PDE10A: variants seen among roughly 807,000 people sequenced by gnomAD.
PDE10A encodes the protein phosphodiesterase 10A, also known as cAMP and cAMP-inhibited cGMP 3',5'-cyclic phosphodiesterase 10A.
PDE10A carries 39 observed loss-of-function variants against 97.7 expected under a neutral mutation model. The ratio of observed to expected loss-of-function variants is 0.40; its 90% CI spans 0.31 to 0.52. PDE10A has a LOEUF of 0.52. Ranked by LOEUF, PDE10A falls within the 20% of genes least tolerant of loss-of-function variation. The pLI, the probability that PDE10A is intolerant of heterozygous loss-of-function variation, is 0.56. For missense variants in PDE10A, 731 were observed against 1,047.8 expected (o/e 0.70, Z 4.17); for synonymous variants, 371 against 376.8 (o/e 0.98, Z 0.18).
At chr6:165,860,550 G>A (rs1780874931) in intron 1 of PDE10A, among the ~76,000 whole-genome samples, 1 of 152,230 alleles carries the variant, frequency 6.6e-6, no homozygotes, top group Non-Finnish European at 1.5e-5. Context: ...GAACAGGGAC[G>A]CAGAACGGCA....
chr6:165,470,971 C>T (rs1230048361), intron 3 of PDE10A, among the ~76,000 whole-genome samples: 2 of 152,138 alleles, frequency 1.3e-5, no homozygotes, highest in African/African-American at 2.4e-5. Flanking sequence ...ATTTACCACC[C>T]ATTTCTCTCC....
chr6:165,467,552 A>G (rs894249327), intron 3 of PDE10A, among the ~76,000 whole-genome samples: 1 of 152,236 alleles, frequency 6.6e-6, no homozygotes, highest in Admixed American at 6.5e-5. Context: ...ATGCAAGAAC[A>G]AAGGCACAAG....
At chr6:165,950,798 G>C (rs995488773) in intron 1 of PDE10A, among the ~76,000 whole-genome samples, 2 of 152,132 alleles carry the variant, frequency 1.3e-5, no homozygotes, top group African/African-American at 4.8e-5. Flanking sequence ...TGAGTATCCT[G>C]AGCTGGCTGA....
At chr6:165,535,620 TAC>T (rs201613901) in intron 2 of PDE10A, among the ~76,000 whole-genome samples, 2,982 of 151,752 alleles carry the variant, frequency 0.02, 53 homozygotes, top group Non-Finnish European at 0.025. Flanking sequence ...TGTGTGTGTG[TAC>T]ACACACATTT....
intron 1 of PDE10A, among the ~76,000 whole-genome samples, chr6:165,659,820 C>A (rs999747436): frequency 6.6e-6 from 1 of 152,216 alleles, no homozygotes; most frequent in Non-Finnish European, 1.5e-5. Context: ...TGCTACGAAT[C>A]CCGAGAGGAC....
intron 2 of PDE10A, among the ~76,000 whole-genome samples, chr6:165,522,318 G>C (rs1046311650): frequency 2.0e-5 from 3 of 152,088 alleles, no homozygotes; most frequent in African/African-American, 7.2e-5. Flanking sequence ...ACATCTCCCT[G>C]ATAGCAAAAT....
chr6:165,935,702 G>A (rs1783302419), intron 1 of PDE10A, among the ~76,000 whole-genome samples: 1 of 152,216 alleles, frequency 6.6e-6, no homozygotes, highest in Admixed American at 6.5e-5. Context: ...AGGTGATTAG[G>A]TCATGAGGGC....
chr6:165,447,189 C>T (rs1006248914), intron 5 of PDE10A, among the ~76,000 whole-genome samples: 1 of 152,152 alleles, frequency 6.6e-6, no homozygotes, highest in Non-Finnish European at 1.5e-5. Context: ...TTTGGGCTCC[C>T]GTCCACTGTA....
intron 1 of PDE10A, among the ~76,000 whole-genome samples, chr6:165,936,770 T>C (rs1347002828): frequency 1.3e-5 from 2 of 152,136 alleles, no homozygotes; most frequent in Admixed American, 1.3e-4. Context: ...TGATGGAGAA[T>C]GAGTAGAGAC....
intron 1 of PDE10A, among the ~76,000 whole-genome samples, chr6:165,708,027 C>T (rs1281006650): frequency 1.3e-5 from 2 of 152,182 alleles, no homozygotes; most frequent in Non-Finnish European, 2.9e-5. Context: ...CAAACCAACC[C>T]TCTTGACTTC....
At chr6:165,434,956 G>A (rs546886427) in intron 6 of PDE10A, among the ~76,000 whole-genome samples, 149 of 152,174 alleles carry the variant, frequency 9.8e-4, no homozygotes, top group African/African-American at 3.1e-3. Flanking sequence ...TCATAAAACA[G>A]TAATTATTTA....
At chr6:165,401,461 T>C (rs1786658429) in intron 13 of PDE10A, among the ~76,000 whole-genome samples, 1 of 152,206 alleles carries the variant, frequency 6.6e-6, no homozygotes, top group Non-Finnish European at 1.5e-5. Flanking sequence ...GTTAGCAAAT[T>C]TGGAATCTTT....
Position 165,446,856 on chromosome 6 carries a change from G to C in PDE10A, c.1194+2072C>G, listed in dbSNP as rs377508997. ...GGAACAGGGAATCAGTGCCCCTAGAGAGAAGCATGCCCAGTAAATGGACTG... is the reference window on the plus strand; with the variant it reads ...GGAACAGGGAATCAGTGCCCCTAGACAGAAGCATGCCCAGTAAATGGACTG... On this transcript the variant is annotated intron_variant, in intron 5 of 21. Transcript: ENST00000539869. Among the ~76,000 whole-genome samples, 83 of 152,252 alleles carry C rather than the reference G, an allele frequency of 5.5e-4. 1 individual carries two copies. Among genetic ancestry groups the C allele is most frequent in the African/African-American group, 1.8e-3 (76 of 41,548 alleles).
chr6:165,470,615 C>T (rs544955019), intron 3 of PDE10A, among the ~76,000 whole-genome samples: 2 of 152,212 alleles, frequency 1.3e-5, no homozygotes, highest in South Asian at 4.2e-4. Context: ...CTAGTTCTTC[C>T]TCTGTTGTAT....
chr6:165,735,009 GTAGA>G (rs757491067), intron 1 of PDE10A, among the ~76,000 whole-genome samples: 15 of 139,478 alleles, frequency 1.1e-4, no homozygotes, highest in African/African-American at 3.0e-4. Flanking sequence ...AGGTAGGTAG[GTAGA>G]TAGGTAGGTA....
intron 1 of PDE10A, among the ~76,000 whole-genome samples, chr6:165,848,284 C>T (rs1240226013): frequency 2.6e-5 from 4 of 152,178 alleles, no homozygotes; most frequent in African/African-American, 9.7e-5. Context: ...TATTCCCTGT[C>T]CCCCACACAG....
chr6:165,433,379 C>T (rs939133950), intron 6 of PDE10A, among the ~76,000 whole-genome samples: 2 of 152,044 alleles, frequency 1.3e-5, no homozygotes, highest in African/African-American at 4.8e-5. Flanking sequence ...GAACGAATGA[C>T]ATATGTTAAT....
chr6:165,655,782 C>T lies in PDE10A; in HGVS notation c.865+6165G>A, dbSNP rs910366709. Among the ~76,000 whole-genome samples, 3 of 152,122 alleles carry T rather than the reference C, an allele frequency of 2.0e-5. No homozygotes were observed. Among genetic ancestry groups the T allele is most frequent in the African/African-American group, 7.2e-5 (3 of 41,414 alleles). On this transcript the variant is annotated intron_variant, in intron 1 of 21. Coordinates refer to ENST00000539869, the MANE Select transcript of PDE10A (RefSeq NM_001385079.1). The surrounding 1 kb of genome is among the most constrained non-coding windows in gnomAD (Gnocchi z 4.5). Reference sequence around the variant, plus strand: ...ATGCGGAGTAAACTGCAGTTTTTTCCTCTGACTGACAAAGCCTTCATCCGG... The same window carrying T: ...ATGCGGAGTAAACTGCAGTTTTTTCTTCTGACTGACAAAGCCTTCATCCGG...
chr6:165,698,684 T>C (rs193141903), intron 1 of PDE10A, among the ~76,000 whole-genome samples: 6 of 152,112 alleles, frequency 3.9e-5, no homozygotes, highest in Admixed American at 3.3e-4. Flanking sequence ...ACCCCATCTC[T>C]ACTAAAAATA....
Sources: allele counts gnomAD v4.1 joint callset (sites outside exome capture counted in the v4.1 genomes callset), GRCh38; gene constraint gnomAD v4.1.1; non-coding constraint Gnocchi (gnomAD v3.1); transcripts MANE v1.5; gene names NCBI Gene and HGNC (gene_info 2026-07-23, HGNC 2026-07-21).